Variants in LRRC75A observed in about 807,000 individuals in gnomAD.
LRRC75A encodes the protein leucine-rich repeat-containing protein 75A.
Under a neutral mutation model 26.0 loss-of-function variants are expected in LRRC75A, and 12 were observed. The observed-to-expected ratio is 0.46, with a 90% CI of 0.30 to 0.75. LRRC75A has a LOEUF of 0.75. Ranked by LOEUF, LRRC75A falls within the 30% of genes least tolerant of loss-of-function variation. The probability of loss-of-function intolerance (pLI) is 0.08; values close to 1 mark genes in which losing one functional copy is unlikely to be tolerated. For missense variants in LRRC75A, 410 were observed against 486.6 expected, an observed-to-expected ratio of 0.84 and a Z score of 1.48; for synonymous variants, 223 against 219.3, an observed-to-expected ratio of 1.02 and a Z score of -0.15.
At chr17:16,487,156 A>G (rs564137672) in intron 1 of LRRC75A, among the ~76,000 whole-genome samples, 1 of 152,332 alleles carries the variant, frequency 6.6e-6, no homozygotes, top group Middle Eastern at 3.4e-3. Context: ...TTCGGCTGAC[A>G]TGCCCAGGAA....
chr17:16,477,132 G>A (rs1017376884), intron 1 of LRRC75A, among the ~76,000 whole-genome samples: 19 of 152,034 alleles, frequency 1.2e-4, no homozygotes, highest in Non-Finnish European at 2.8e-4. Context: ...TGATCTACCC[G>A]CCTGGGCTTC....
chr17:16,463,990 C>T (rs2093748297), intron 1 of LRRC75A: 2 of 152,264 alleles, frequency 1.3e-5, no homozygotes, highest in Non-Finnish European at 1.5e-5. Flanking sequence ...GCTGGGGGCT[C>T]TGGAGGGCCT....
intron 1 of LRRC75A, among the ~76,000 whole-genome samples, chr17:16,482,640 G>A (rs1330997463): frequency 2.0e-5 from 3 of 152,252 alleles, no homozygotes; most frequent in African/African-American, 4.8e-5. Flanking sequence ...AGCAGCCAGT[G>A]TGTGCCGTGC....
At chr17:16,456,297 GGAA>G (rs1377942597) in intron 2 of LRRC75A, among the ~76,000 whole-genome samples, 1 of 129,928 alleles carries the variant, frequency 7.7e-6, no homozygotes, top group African/African-American at 3.1e-5. Context: ...AGGAAGAGAA[GGAA>G]GAGGAGGAGG....
At position 16,492,137 on chromosome 17, in the gene LRRC75A, G is replaced by GGCGC; in HGVS notation, c.-148_-147insGCGC. On this transcript the variant is annotated 5_prime_UTR_variant, in exon 1 of 4. Transcript: ENST00000470794. ...CGCGCGGGCGTCGCGGGGGCGGGCG[G>GGCGC]GCGGGCGGCTGTCGGCGCTCCCCGC... is the stretch of plus-strand genomic sequence containing the variant. 1.6e-6 allele frequency: 1 copy of GGCGC among 629,062 alleles called. No homozygotes were observed. The highest frequency in any genetic ancestry group is 7.0e-5 in the South Asian group (1 of 14,252). The allele number at this position is 629,062 out of a possible 1,614,324, so 39.0% of individuals were successfully genotyped here.
Position 16,491,768 on chromosome 17 carries a change from TC to T in LRRC75A, c.222del (p.Thr75ArgfsTer17). On this transcript the variant is annotated frameshift_variant, in exon 1 of 4. Transcript: ENST00000470794. LOFTEE classifies it high-confidence loss of function. This position sits in a 1 kb window ranked among gnomAD's most constrained non-coding sequence, Gnocchi z 5.9. ...ACCTGGCGCAGGTGCTGCAGCAGCG[TC>T]CCCGCCTCCTCCCGCCGGCCCTGGC... Reference protein sequence around the residue: ...MVRQGRREEAGTLLQHLRQDL... With the variant: ...MVRQGRREEAXTLLQHLRQDL... 7.0e-7 allele frequency: 1 copy of T among 1,424,766 alleles called. No homozygotes were observed. 88.3% of individuals were successfully genotyped at this position (1,424,766 alleles called of 1,614,324 possible).
At chr17:16,482,810 C>T (rs1368117206) in intron 1 of LRRC75A, among the ~76,000 whole-genome samples, 1 of 152,258 alleles carries the variant, frequency 6.6e-6, no homozygotes, top group African/African-American at 2.4e-5. Flanking sequence ...CCCTACTTGT[C>T]CCAACTGGTG....
At chr17:16,466,800 G>C (rs201538854) in intron 1 of LRRC75A, among the ~76,000 whole-genome samples, 1 of 152,208 alleles carries the variant, frequency 6.6e-6, no homozygotes, top group Non-Finnish European at 1.5e-5. Flanking sequence ...TTGGGAATAG[G>C]GGTGCATGTT....
chr17:16,471,644 G>A (rs987778521), intron 1 of LRRC75A, among the ~76,000 whole-genome samples: 1 of 152,220 alleles, frequency 6.6e-6, no homozygotes, highest in Admixed American at 6.5e-5. Flanking sequence ...CAGGGGCAGG[G>A]CTGTACTAGT....
In LRRC75A at chr17:16,453,248, C is replaced by T. The variant is rs544493328; in HGVS notation, c.376-5288G>A. On this transcript the variant is annotated intron_variant, in intron 2 of 3. Transcript: ENST00000470794. Reference sequence around the variant, plus strand: ...AGGTTGCAGTGAGCCGAGATCGCGCCACTGAACTCTGGCCTGGGCGCCAGA... The same window carrying T: ...AGGTTGCAGTGAGCCGAGATCGCGCTACTGAACTCTGGCCTGGGCGCCAGA... Among the ~76,000 whole-genome samples the T allele has an allele frequency of 3.3e-5, 5 of 152,162 alleles. No individual in the cohort carries two copies. In the South Asian group the frequency reaches 1.0e-3, roughly 32 times the overall value.
At chr17:16,448,101 G>A (rs889271265) in intron 2 of LRRC75A, 141 bp from the exon 3 acceptor site, 75 of 709,410 alleles carry the variant, frequency 1.1e-4, no homozygotes, top group Admixed American at 2.5e-4. Flanking sequence ...CCTAGGGTGG[G>A]CACCCTAGGC....
intron 1 of LRRC75A, among the ~76,000 whole-genome samples, chr17:16,485,681 T>TGTGC (rs1555893697): frequency 8.1e-5 from 11 of 135,540 alleles, no homozygotes; most frequent in Admixed American, 1.4e-4. Context: ...CGTGTGTGTG[T>TGTGC]GTGTGTGTGT....
At chr17:16,455,357 G>C (rs1601117402) in intron 2 of LRRC75A, among the ~76,000 whole-genome samples, 1 of 57,002 alleles carries the variant, frequency 1.8e-5, no homozygotes, top group Admixed American at 1.6e-4. Flanking sequence ...TAATGAGTGA[G>C]GGAAAAGTAC....
chr17:16,456,184 AGAG>A (rs1179477986), intron 2 of LRRC75A, among the ~76,000 whole-genome samples: 2 of 100,494 alleles, frequency 2.0e-5, no homozygotes, highest in East Asian at 5.3e-4. Flanking sequence ...AGGAGGAGGA[AGAG>A]GAGGAAGGAG....
intron 1 of LRRC75A, among the ~76,000 whole-genome samples, chr17:16,486,653 C>T (rs1006578826): frequency 6.6e-6 from 1 of 152,236 alleles, no homozygotes; most frequent in African/African-American, 2.4e-5. Flanking sequence ...CGGCAGAGGC[C>T]CCAGACTGCA....
intron 1 of LRRC75A, among the ~76,000 whole-genome samples, chr17:16,467,991 C>A (rs2093782317): frequency 6.6e-6 from 1 of 152,180 alleles, no homozygotes; most frequent in African/African-American, 2.4e-5. Flanking sequence ...CTTTCTAATA[C>A]AAATAAACTT....
chr17:16,452,034 C>T (rs575748323), intron 2 of LRRC75A, among the ~76,000 whole-genome samples: 29 of 150,514 alleles, frequency 1.9e-4, no homozygotes, highest in African/African-American at 6.6e-4. Flanking sequence ...CCGCGCCCGG[C>T]CTGGAATCTC....
intron 1 of LRRC75A, among the ~76,000 whole-genome samples, chr17:16,476,769 T>G (rs563014421): frequency 1.5e-5 from 2 of 136,294 alleles, no homozygotes; most frequent in East Asian, 2.3e-4. Flanking sequence ...GACAGAGTCT[T>G]GCTCTATCAC....
At chr17:16,466,475 A>G (rs1568974129) in intron 1 of LRRC75A, among the ~76,000 whole-genome samples, 2 of 152,222 alleles carry the variant, frequency 1.3e-5, no homozygotes, top group Non-Finnish European at 2.9e-5. Context: ...TTTGTCTTAA[A>G]AAGCACAAGG....
Sources: allele counts gnomAD v4.1 joint callset (sites outside exome capture counted in the v4.1 genomes callset), GRCh38; gene constraint gnomAD v4.1.1; non-coding constraint Gnocchi (gnomAD v3.1); transcripts MANE v1.5; gene names NCBI Gene and HGNC (gene_info 2026-07-23, HGNC 2026-07-21).